The following EMCN variants were observed in gnomAD, a reference collection of about 807,000 sequenced individuals.
EMCN encodes MUC-14.
Under a neutral mutation model 38.4 loss-of-function variants are expected in EMCN, and 37 were observed. The ratio of observed to expected loss-of-function variants is 0.96; its 90% confidence interval spans 0.74 to 1.27. The LOEUF (loss-of-function observed/expected upper bound fraction) is 1.27, where lower values mean the gene tolerates loss of function less well. Among genes scored for constraint, EMCN ranks in the 50% most tolerant of loss-of-function variants. EMCN has a pLI of 0.00. For missense variants in EMCN, 318 were observed against 302.8 expected (o/e 1.05, Z -0.37); for synonymous variants, 95 against 100.8 (o/e 0.94, Z 0.35).
chr4:100,414,952 G>C (rs11097718), intron 10 of EMCN, among the ~76,000 whole-genome samples: 71,850 of 152,042 alleles, frequency 0.47, 20,079 homozygotes, highest in Non-Finnish European at 0.64. Flanking sequence ...CACCCAGGCT[G>C]GAGTGCCGTG....
At chr4:100,481,998 T>A (rs190529902) in intron 1 of EMCN, among the ~76,000 whole-genome samples, 3 of 152,084 alleles carry the variant, frequency 2.0e-5, no homozygotes, top group South Asian at 4.1e-4. Context: ...CAACTACTTA[T>A]GTAAAAATCA....
At chr4:100,420,224 G>T (rs912690930) in intron 8 of EMCN, among the ~76,000 whole-genome samples, 1 of 152,004 alleles carries the variant, frequency 6.6e-6, no homozygotes, top group Non-Finnish European at 1.5e-5. Context: ...AGAGAGGTAG[G>T]CACATGGAGA....
rs1726105013 is a variant in EMCN at position 100,395,786 on chromosome 4, G to A, written c.*2627C>T. ...TAACAGAATAGTTCAGTTCAGCAAG[G>A]GGAATTCAGAATTCTTTCTCTGCTG... is the stretch of plus-strand genomic sequence containing the variant. On this transcript the variant is annotated 3_prime_UTR_variant, in exon 12 of 12. Coordinates refer to ENST00000296420, the MANE Select transcript of EMCN (RefSeq NM_016242.4). 6.6e-6 allele frequency: 1 copy of A among 152,100 alleles called. No individual in the cohort carries two copies. Among genetic ancestry groups the A allele is most frequent in the East Asian group, 1.9e-4 (1 of 5,178 alleles). The allele number at this position is 152,100 out of a possible 1,614,324, so 9.4% of individuals were successfully genotyped here.
intron 2 of EMCN, 101 bp from the exon 3 acceptor site, chr4:100,475,210 TTGTC>T: frequency 2.0e-6 from 1 of 500,836 alleles, no homozygotes; most frequent in Non-Finnish European, 3.4e-6. Context: ...GCATTCTCCT[TTGTC>T]TATCTTTAAT....
intron 1 of EMCN, among the ~76,000 whole-genome samples, chr4:100,491,585 A>G (rs1333437307): frequency 6.6e-6 from 1 of 152,070 alleles, no homozygotes; most frequent in Non-Finnish European, 1.5e-5. Flanking sequence ...CTGATCAGCA[A>G]CTCCACCTAA....
chr4:100,438,262 T>C (rs1727410970), intron 5 of EMCN, among the ~76,000 whole-genome samples: 1 of 152,088 alleles, frequency 6.6e-6, no homozygotes, highest in Non-Finnish European at 1.5e-5. Context: ...TATGAGTTTA[T>C]CAGGGTATTG....
intron 5 of EMCN, among the ~76,000 whole-genome samples, chr4:100,429,417 T>A (rs1229177517): frequency 6.6e-6 from 1 of 152,134 alleles, no homozygotes; most frequent in Non-Finnish European, 1.5e-5. Context: ...TCACACACAA[T>A]GGTGCCTCCT....
chr4:100,425,330 G>A (rs918979284), intron 5 of EMCN, among the ~76,000 whole-genome samples: 3 of 125,916 alleles, frequency 2.4e-5, no homozygotes, highest in Non-Finnish European at 4.7e-5. Flanking sequence ...ACTAAGATGC[G>A]GAATCCATGA....
At chr4:100,475,634 T>G (rs902150468) in intron 2 of EMCN, among the ~76,000 whole-genome samples, 1 of 150,828 alleles carries the variant, frequency 6.6e-6, no homozygotes, top group Non-Finnish European at 1.5e-5. Context: ...CTCTTTGCTC[T>G]TGAGGGCAGT....
chr4:100,432,896 T>C (rs931903176), intron 5 of EMCN, among the ~76,000 whole-genome samples: 2 of 152,192 alleles, frequency 1.3e-5, no homozygotes, highest in African/African-American at 4.8e-5. Flanking sequence ...TTATGAGATA[T>C]ATTTAGATAG....
chr4:100,500,811 T>C (rs1399151389), intron 1 of EMCN, among the ~76,000 whole-genome samples: 1 of 152,132 alleles, frequency 6.6e-6, no homozygotes, highest in Non-Finnish European at 1.5e-5. Flanking sequence ...CTGTCACTAA[T>C]TTTGAGCTAT....
At chr4:100,402,292 T>C (rs1726280440) in intron 11 of EMCN, among the ~76,000 whole-genome samples, 1 of 152,190 alleles carries the variant, frequency 6.6e-6, no homozygotes, top group South Asian at 2.1e-4. Context: ...GCATTAAATA[T>C]ATCTAAAATC....
At position 100,397,542 on chromosome 4, in the gene EMCN, T is replaced by C. The variant is rs967001265; in HGVS notation, c.*871A>G. ...TGGAGATAATATCAATCAAATGAGT[T>C]AATGAAAAATCATGATCCTATTATC... is the stretch of plus-strand genomic sequence containing the variant. On this transcript the variant is annotated 3_prime_UTR_variant, in exon 12 of 12. Transcript: ENST00000296420. 7 of 152,170 alleles carry C rather than the reference T, an allele frequency of 4.6e-5. No individual in the cohort carries two copies. The highest frequency in any genetic ancestry group is 1.0e-4 in the Non-Finnish European group (7 of 68,036). The allele number at this position is 152,170 out of a possible 1,614,324, so 9.4% of individuals were successfully genotyped here. A position where few individuals can be genotyped will look rare whatever the true frequency, so the allele number is the denominator to read the frequency against.
At chr4:100,486,733 G>T in intron 1 of EMCN, 1 of 522,554 alleles carries the variant, frequency 1.9e-6, no homozygotes, top group Non-Finnish European at 2.5e-6. Context: ...GGGAGAACAG[G>T]AAGACAGCAT....
chr4:100,439,275 T>A (rs577761739), intron 5 of EMCN, among the ~76,000 whole-genome samples: 1 of 152,164 alleles, frequency 6.6e-6, no homozygotes, highest in South Asian at 2.1e-4. Flanking sequence ...TTTTTGTTAC[T>A]TCTTTGATCT....
chr4:100,478,146 A>C (rs566625353), intron 2 of EMCN, among the ~76,000 whole-genome samples: 1 of 151,932 alleles, frequency 6.6e-6, no homozygotes, highest in African/African-American at 2.4e-5. Flanking sequence ...ACGGACCCCA[A>C]TTTGCCTAAC....
chr4:100,505,241 G>C (rs116140273), intron 1 of EMCN, among the ~76,000 whole-genome samples: 3,326 of 152,224 alleles, frequency 0.022, 57 homozygotes, highest in Middle Eastern at 0.044. Context: ...TGGTCCCCGG[G>C]CCCAGCTGTC....
At chr4:100,487,934 G>T (rs1215526613) in intron 1 of EMCN, among the ~76,000 whole-genome samples, 1 of 152,166 alleles carries the variant, frequency 6.6e-6, no homozygotes, top group East Asian at 1.9e-4. Context: ...AATTTGTAAA[G>T]TACTGGCTCT....
intron 11 of EMCN, among the ~76,000 whole-genome samples, chr4:100,401,403 G>A (rs770560822): frequency 2.0e-5 from 3 of 152,076 alleles, no homozygotes; most frequent in South Asian, 2.1e-4. Context: ...GAGAGAATTC[G>A]TGTAGGTTAT....
Sources: gnomAD v4.1 joint callset for allele counts (sites outside exome capture counted in the v4.1 genomes callset) on GRCh38, gnomAD v4.1.1 for gene constraint, MANE v1.5 for transcripts, NCBI Gene and HGNC (gene_info 2026-07-23, HGNC 2026-07-21) for gene names.